The following TBPL1 variants were observed in gnomAD, a reference collection of about 807,000 sequenced individuals.
TBPL1 encodes the protein TATA box-binding protein-like 1.
Under a neutral mutation model 22.1 loss-of-function variants are expected in TBPL1, and 4 were observed. That is an observed-to-expected ratio of 0.18 (90% CI 0.09 to 0.41). The LOEUF (loss-of-function observed/expected upper bound fraction) is 0.41. TBPL1 is among the 10% of genes least tolerant of loss of function. The pLI, the probability that TBPL1 is intolerant of heterozygous loss-of-function variation, is 1.00. For missense variants in TBPL1, 115 were observed against 222.3 expected (o/e 0.52, Z 3.07); for synonymous variants, 64 against 71.0 (o/e 0.90, Z 0.50).
In TBPL1 at chr6:133,988,887, T is replaced by C. The variant is rs1394061943; in HGVS notation, c.*1847T>C. The C allele has an allele frequency of 6.6e-6, 1 of 152,200 alleles. No homozygotes were observed. The highest frequency in any genetic ancestry group is 1.5e-5 in the Non-Finnish European group (1 of 68,028). The allele number at this position is 152,200 out of a possible 1,614,324, so 9.4% of individuals were successfully genotyped here. On this transcript the variant is annotated 3_prime_UTR_variant, in exon 7 of 7. Coordinates refer to ENST00000237264, the MANE Select transcript of TBPL1 (RefSeq NM_004865.4). ...TTAACAGTAATAAGTCACCTCCTGT[T>C]TTTCAATGTTCACCAAAAAAAGAAA...
At chr6:133,952,597 A>C (rs1049843189), upstream of TBPL1, 15 of 152,176 alleles carry the variant, frequency 9.9e-5, no homozygotes, top group African/African-American at 3.6e-4. This position sits in a 1 kb window ranked among gnomAD's most constrained non-coding sequence, Gnocchi z 4.5. Flanking sequence ...CGGTCGCTCT[A>C]AGACCAGGAT....
In TBPL1 at chr6:133,972,055, T is replaced by G. The variant is rs528501399; in HGVS notation, c.-44-8027T>G. Among the ~76,000 whole-genome samples the G allele has an allele frequency of 2.0e-5, 3 of 152,352 alleles. No homozygotes were observed. The South Asian group carries it at 6.2e-4, about 32-fold the overall frequency. On this transcript the variant is annotated intron_variant, in intron 1 of 6. Coordinates refer to ENST00000237264, the MANE Select transcript of TBPL1 (RefSeq NM_004865.4). ...GTCTGTGCTTTATCTTAGAATAGAT[T>G]ATCCAAATTTGTTTGGTGGCAAGAT...
chr6:133,987,642 G>GTATATATATA lies in TBPL1; in HGVS notation c.*603_*604insATATATATAT, dbSNP rs1486152408. Reference sequence around the variant, plus strand: ...GTGTATTTTGTGTGTGTGTGTGTGTGTGTGTGTATATATATATATATATAT... The same window carrying GTATATATATA: ...GTGTATTTTGTGTGTGTGTGTGTGTGTATATATATATGTGTGTATATATATATATATATAT... On this transcript the variant is annotated 3_prime_UTR_variant, in exon 7 of 7. Coordinates refer to ENST00000237264, the MANE Select transcript of TBPL1 (RefSeq NM_004865.4). 3.1e-5 allele frequency: 4 copies of GTATATATATA among 130,442 alleles called. No homozygotes were observed. The highest frequency in any genetic ancestry group is 1.2e-4 in the African/African-American group (4 of 32,276). The allele number at this position is 130,442 out of a possible 1,614,324, so 8.1% of individuals were successfully genotyped here.
At chr6:133,985,276 TAAA>T (rs1229100828) in intron 6 of TBPL1, among the ~76,000 whole-genome samples, 10 of 12,916 alleles carry the variant, frequency 7.7e-4, no homozygotes, top group South Asian at 5.9e-3. Context: ...AGACTCTGTC[TAAA>T]AAAAAAAAAA....
rs374991104 is a variant in TBPL1, at chr6:133,978,940, G to T, written c.-44-1142G>T. ...TTTTATCATTTTCTGATCTTTTTGT[G>T]AGTTAAGTCAAATTGCCATTGTTTA... On this transcript the variant is annotated intron_variant, in intron 1 of 6. Coordinates refer to ENST00000237264, the MANE Select transcript of TBPL1 (RefSeq NM_004865.4). Among the ~76,000 whole-genome samples, 21 of 152,240 alleles carry T rather than the reference G, an allele frequency of 1.4e-4. 1 individual carries two copies. The highest frequency in any genetic ancestry group is 6.5e-4 in the Admixed American group (10 of 15,294).
intron 1 of TBPL1, among the ~76,000 whole-genome samples, chr6:133,964,437 T>G (rs961098043): frequency 6.6e-6 from 1 of 151,390 alleles, no homozygotes; most frequent in Non-Finnish European, 1.5e-5. Flanking sequence ...TTTTGTTTTG[T>G]TTTTTTGGGT....
rs1180515814 is a variant in TBPL1 at position 133,987,367 on chromosome 6, T to A, written c.*327T>A. Reference sequence around the variant, plus strand: ...GTCGTCATTGTTATTTTTTTCCATTTTGAGCTAATGTGTTTTATTTGTGAA... The same window carrying A: ...GTCGTCATTGTTATTTTTTTCCATTATGAGCTAATGTGTTTTATTTGTGAA... On this transcript the variant is annotated 3_prime_UTR_variant, in exon 7 of 7. Coordinates refer to ENST00000237264, the MANE Select transcript of TBPL1 (RefSeq NM_004865.4). 1 of 164,192 alleles carries A rather than the reference T, an allele frequency of 6.1e-6. No homozygotes were observed. Among genetic ancestry groups the A allele is most frequent in the Admixed American group, 6.4e-5 (1 of 15,610 alleles). 10.2% of individuals were successfully genotyped at this position (164,192 alleles called of 1,614,324 possible). A position where few individuals can be genotyped will look rare whatever the true frequency, so the allele number is the denominator to read the frequency against.
At chr6:133,968,553 A>G (rs1776162514) in intron 1 of TBPL1, among the ~76,000 whole-genome samples, 1 of 152,234 alleles carries the variant, frequency 6.6e-6, no homozygotes, top group South Asian at 2.1e-4. Flanking sequence ...CTTCAAAACA[A>G]TCATGAGAGG....
rs183290667 is a variant in TBPL1, at chr6:133,953,226, C to T, written c.-244C>T. Reference sequence around the variant, plus strand: ...TGTCGCGGGGAAGCTGCGGCCGCCTCGCACCCGGAACAACAAAGCAAGGAA... The same window carrying T: ...TGTCGCGGGGAAGCTGCGGCCGCCTTGCACCCGGAACAACAAAGCAAGGAA... On this transcript the variant is annotated 5_prime_UTR_variant, in exon 1 of 7. Transcript: ENST00000237264. 35 of 152,894 alleles carry T rather than the reference C, an allele frequency of 2.3e-4. No homozygotes were observed. Among genetic ancestry groups the T allele is most frequent in the African/African-American group, 8.4e-4 (35 of 41,572 alleles). The allele number at this position is 152,894 out of a possible 1,614,324, so 9.5% of individuals were successfully genotyped here.
intron 1 of TBPL1, among the ~76,000 whole-genome samples, chr6:133,972,566 A>G (rs1156766909): frequency 2.0e-5 from 3 of 152,202 alleles, no homozygotes; most frequent in Non-Finnish European, 4.4e-5. Context: ...TGTGCTGCGT[A>G]GTCATTATGG....
intron 2 of TBPL1, among the ~76,000 whole-genome samples, chr6:133,982,280 G>A (rs1776428330): frequency 6.6e-6 from 1 of 152,160 alleles, no homozygotes; most frequent in Admixed American, 6.5e-5. Flanking sequence ...TGACTGGGGT[G>A]GAATGAGAGT....
At chr6:133,971,716 G>T (rs1390875157) in intron 1 of TBPL1, among the ~76,000 whole-genome samples, 26 of 151,816 alleles carry the variant, frequency 1.7e-4, no homozygotes, top group Non-Finnish European at 2.9e-5. Flanking sequence ...ATACCTGTTG[G>T]CCATTGGTAT....
intron 1 of TBPL1, among the ~76,000 whole-genome samples, chr6:133,975,214 C>G (rs1273052025): frequency 1.3e-5 from 2 of 151,792 alleles, no homozygotes; most frequent in African/African-American, 4.8e-5. Context: ...ATAAATGATA[C>G]TACAGTGAAA....
intron 6 of TBPL1, among the ~76,000 whole-genome samples, chr6:133,986,566 C>T (rs1776528897): frequency 6.6e-6 from 1 of 152,130 alleles, no homozygotes; most frequent in Non-Finnish European, 1.5e-5. Flanking sequence ...TGCTGTGTTC[C>T]TCCATATCCC....
At position 133,982,501 on chromosome 6, in the gene TBPL1, C is replaced by T. The variant is rs1028074779; in HGVS notation, c.136-67C>T. The T allele has an allele frequency of 7.3e-6, 10 of 1,369,598 alleles. No individual in the cohort carries two copies. In the African/African-American group the frequency reaches 1.2e-4, roughly 16 times the overall value. The allele number at this position is 1,369,598 out of a possible 1,614,324, so 84.8% of individuals were successfully genotyped here. On this transcript the variant is annotated intron_variant, in intron 2 of 6. Coordinates refer to ENST00000237264, the MANE Select transcript of TBPL1 (RefSeq NM_004865.4). ...GAGTAGTATTTGGACATTAATATGACTATATAGAACAGAACCTTATGTGAA... is the reference window on the plus strand; with the variant it reads ...GAGTAGTATTTGGACATTAATATGATTATATAGAACAGAACCTTATGTGAA...
At position 133,987,008 on chromosome 6, in the gene TBPL1, T is replaced by C; in HGVS notation, c.529T>C (p.Phe177Leu). The change falls in exon 7 of 7, where the codon TTT (phenylalanine) becomes CTT (leucine). Residue 177 changes from phenylalanine (F) to leucine (L), a missense_variant. By Grantham distance (22) the Phe-to-Leu change is conservative. Transcript: ENST00000237264. ...TACTGCTGTGGAACAGATTTACCCA[T>C]TTGTGTTTGAAAGCAGGAAAGAAAT... ...VATAVEQIYPFVFESRKEIL is the reference protein window; with the variant it reads ...VATAVEQIYPLVFESRKEIL 1 of 1,609,542 alleles carries C rather than the reference T, an allele frequency of 6.2e-7. No individual in the cohort carries two copies. The highest frequency in any genetic ancestry group is 8.5e-7 in the Non-Finnish European group (1 of 1,177,946).
At chr6:133,980,487 A>C (rs1776389713) in intron 2 of TBPL1, among the ~76,000 whole-genome samples, 1 of 152,196 alleles carries the variant, frequency 6.6e-6, no homozygotes, top group South Asian at 2.1e-4. Context: ...CATTGGTTAC[A>C]GAGACATTTT....
chr6:133,952,935 C>T (rs1775857906), upstream of TBPL1, among the ~76,000 whole-genome samples: 1 of 152,162 alleles, frequency 6.6e-6, no homozygotes, highest in East Asian at 1.9e-4. This position sits in a 1 kb window ranked among gnomAD's most constrained non-coding sequence, Gnocchi z 4.5. Context: ...TCAAGCGGTT[C>T]TTAAACAAAA....
intron 1 of TBPL1, among the ~76,000 whole-genome samples, chr6:133,960,230 T>C (rs1775997710): frequency 6.6e-6 from 1 of 152,190 alleles, no homozygotes; most frequent in African/African-American, 2.4e-5. Flanking sequence ...AATGACTAAT[T>C]CATTAGACCT....
Sources: allele counts gnomAD v4.1 joint callset (sites outside exome capture counted in the v4.1 genomes callset), GRCh38; gene constraint gnomAD v4.1.1; non-coding constraint Gnocchi (gnomAD v3.1); transcripts MANE v1.5; gene names NCBI Gene and HGNC (gene_info 2026-07-23, HGNC 2026-07-21).